AP2B1: variants seen among roughly 807,000 people sequenced by gnomAD.
AP2B1 encodes the protein AP-2 complex subunit beta.
A neutral mutation model predicts 102.0 loss-of-function variants in AP2B1; 23 were observed. The observed-to-expected ratio is 0.23, with a 90% CI of 0.16 to 0.32. The LOEUF (loss-of-function observed/expected upper bound fraction) is 0.32. AP2B1 is among the 10% of genes least tolerant of loss of function. The pLI, the probability that AP2B1 is intolerant of heterozygous loss-of-function variation, is 1.00. For missense variants in AP2B1, 541 were observed against 1,157.4 expected, an observed-to-expected ratio of 0.47 and a Z score of 7.73; for synonymous variants, 381 against 421.2, an observed-to-expected ratio of 0.90 and a Z score of 1.17.
At chr17:35,639,355 A>G (rs2074702952) in intron 10 of AP2B1, among the ~76,000 whole-genome samples, 1 of 152,114 alleles carries the variant, frequency 6.6e-6, no homozygotes, top group Admixed American at 6.6e-5. Context: ...AAACAAAACA[A>G]AAGAACATCT....
intron 18 of AP2B1, among the ~76,000 whole-genome samples, chr17:35,686,363 C>T (rs1008861054): frequency 1.3e-5 from 2 of 152,204 alleles, no homozygotes; most frequent in African/African-American, 2.4e-5. Context: ...TTTTCTCTGA[C>T]TCTTGATGTC....
At position 35,709,303 on chromosome 17, in the gene AP2B1, A is replaced by G. The variant is rs1322825448; in HGVS notation, c.2534A>G (p.Lys845Arg). ...AATGTGCTTTTTGTAGAAGATGGCAAAATGGGTAAGTACCTTCCTGCCTGT... is the reference window on the plus strand; with the variant it reads ...AATGTGCTTTTTGTAGAAGATGGCAGAATGGGTAAGTACCTTCCTGCCTGT... Reference protein sequence around the residue: ...PLNVLFVEDGKMERQVFLATW... With the variant: ...PLNVLFVEDGRMERQVFLATW... The change falls in exon 19 of 22, where the codon AAA (lysine) becomes AGA (arginine). Residue 845 changes from lysine (K) to arginine (R), a missense_variant. Coordinates refer to ENST00000610402, the MANE Select transcript of AP2B1 (RefSeq NM_001030006.2). 6.2e-7 allele frequency: 1 copy of G among 1,613,484 alleles called. No individual in the cohort carries two copies. Among genetic ancestry groups the G allele is most frequent in the African/African-American group, 1.3e-5 (1 of 74,908 alleles).
At chr17:35,609,513 AT>A (rs1369442523) in intron 5 of AP2B1, among the ~76,000 whole-genome samples, 1 of 151,886 alleles carries the variant, frequency 6.6e-6, no homozygotes, top group Non-Finnish European at 1.5e-5. Flanking sequence ...CGCCTGGCTA[AT>A]TTTTTGTATT....
intron 10 of AP2B1, among the ~76,000 whole-genome samples, chr17:35,638,563 C>T (rs555218304): frequency 5.3e-5 from 8 of 151,814 alleles, no homozygotes; most frequent in Admixed American, 2.0e-4. Flanking sequence ...CCGAGGTGGG[C>T]GGATCATGAG....
chr17:35,603,819 T>C (rs2073569225), intron 3 of AP2B1, among the ~76,000 whole-genome samples: 1 of 152,222 alleles, frequency 6.6e-6, no homozygotes, highest in Admixed American at 6.5e-5. Flanking sequence ...CCTTTTGCCC[T>C]GTCGCACTCC....
At chr17:35,721,179 T>C (rs781982103) in intron 21 of AP2B1, among the ~76,000 whole-genome samples, 5 of 152,210 alleles carry the variant, frequency 3.3e-5, no homozygotes, top group South Asian at 2.1e-4. Context: ...AAGATAGGTT[T>C]ATCCTATAAG....
chr17:35,700,989 G>A (rs587605307), intron 18 of AP2B1, among the ~76,000 whole-genome samples: 1 of 152,306 alleles, frequency 6.6e-6, no homozygotes, highest in East Asian at 1.9e-4. Context: ...AGAGGGTTAG[G>A]TAATCTTCTT....
chr17:35,587,683 G>A (rs1021271733), intron 1 of AP2B1: 2 of 152,742 alleles, frequency 1.3e-5, no homozygotes, highest in African/African-American at 4.8e-5. Context: ...GGCAGGAGGG[G>A]AAGATGTGTT....
intron 18 of AP2B1, among the ~76,000 whole-genome samples, chr17:35,707,457 CTTT>C (rs35397924): frequency 2.3e-5 from 3 of 132,356 alleles, no homozygotes; most frequent in Non-Finnish European, 3.1e-5. Context: ...GGCTTCCCCC[CTTT>C]TTTTTTTTTT....
chr17:35,647,529 A>T (rs2074968459), intron 12 of AP2B1, among the ~76,000 whole-genome samples: 1 of 152,132 alleles, frequency 6.6e-6, no homozygotes, highest in Non-Finnish European at 1.5e-5. Context: ...ATACACATAC[A>T]CACATTTCTA....
intron 18 of AP2B1, among the ~76,000 whole-genome samples, chr17:35,689,688 A>G (rs1483213325): frequency 1.3e-5 from 2 of 152,212 alleles, no homozygotes; most frequent in African/African-American, 4.8e-5. Context: ...TTAATATGAT[A>G]GCCACTAGCC....
At chr17:35,628,732 A>G (rs1434861112) in intron 9 of AP2B1, among the ~76,000 whole-genome samples, 1 of 152,024 alleles carries the variant, frequency 6.6e-6, no homozygotes, top group Non-Finnish European at 1.5e-5. Context: ...CACCATTCCC[A>G]CTTCCGTCTC....
chr17:35,662,414 C>G (rs562974618), intron 14 of AP2B1, among the ~76,000 whole-genome samples: 5 of 151,812 alleles, frequency 3.3e-5, no homozygotes, highest in South Asian at 2.1e-4. Context: ...TTGATCTGCT[C>G]TACATGTAGA....
At chr17:35,662,533 T>C (rs992701917) in intron 14 of AP2B1, among the ~76,000 whole-genome samples, 2 of 6,512 alleles carry the variant, frequency 3.1e-4, no homozygotes, top group South Asian at 4.8e-3. Context: ...TTTGGGTTTG[T>C]TTTTTTTTTT....
At chr17:35,615,594 A>G (rs1413281202) in intron 5 of AP2B1, among the ~76,000 whole-genome samples, 1 of 152,246 alleles carries the variant, frequency 6.6e-6, no homozygotes, top group Admixed American at 6.5e-5. Context: ...ATGCATAGAA[A>G]AACTTAATGA....
At chr17:35,606,670 A>T (rs1359229048) in intron 4 of AP2B1, among the ~76,000 whole-genome samples, 1 of 152,064 alleles carries the variant, frequency 6.6e-6, no homozygotes, top group Non-Finnish European at 1.5e-5. Flanking sequence ...TAATCCTCAT[A>T]CATATTTTCT....
chr17:35,635,069 G>A (rs1382011729), intron 9 of AP2B1, among the ~76,000 whole-genome samples: 2 of 151,694 alleles, frequency 1.3e-5, no homozygotes, highest in Admixed American at 6.6e-5. Flanking sequence ...TGGTGGGGTT[G>A]GGGGCATAGT....
intron 18 of AP2B1, among the ~76,000 whole-genome samples, chr17:35,683,589 A>AT (rs1334755630): frequency 6.6e-6 from 1 of 152,128 alleles, no homozygotes; most frequent in African/African-American, 2.4e-5. Context: ...AAAATGTCGA[A>AT]TTTTTTAGAA....
At chr17:35,630,756 T>G (rs2074439535) in intron 9 of AP2B1, among the ~76,000 whole-genome samples, 1 of 152,214 alleles carries the variant, frequency 6.6e-6, no homozygotes, top group African/African-American at 2.4e-5. Flanking sequence ...TTCCTTTGAC[T>G]AAGCGTGCTT....
Sources: allele counts gnomAD v4.1 joint callset (sites outside exome capture counted in the v4.1 genomes callset), GRCh38; gene constraint gnomAD v4.1.1; transcripts MANE v1.5; gene names NCBI Gene and HGNC (gene_info 2026-07-23, HGNC 2026-07-21).